PCLO: variants seen among roughly 807,000 people sequenced by gnomAD.
PCLO encodes protein piccolo.
In PCLO, 82 loss-of-function variants were observed where a neutral mutation model predicts 427.5. The observed-to-expected ratio is 0.19, with a 90% confidence interval of 0.16 to 0.23. The LOEUF (loss-of-function observed/expected upper bound fraction) is 0.23. PCLO is among the 10% of genes least tolerant of loss of function. PCLO has a pLI of 1.00. For synonymous variants in PCLO, 2,357 were observed against 2,155.4 expected (o/e 1.09, Z -2.59); for missense variants, 6,239 against 6,115.9 (o/e 1.02, Z -0.67).
At chr7:83,041,242 A>C (rs1788965726) in intron 3 of PCLO, among the ~76,000 whole-genome samples, 1 of 152,152 alleles carries the variant, frequency 6.6e-6, no homozygotes, top group African/African-American at 2.4e-5. Context: ...AAAAAGAAAT[A>C]AAGATTCAGT....
rs1317686992 is a variant in PCLO at position 82,994,231 on chromosome 7, A to G, written c.3301-27744T>C. Among the ~76,000 whole-genome samples the G allele has an allele frequency of 2.0e-5, 3 of 152,216 alleles. No homozygotes were observed. In the East Asian group the frequency reaches 5.8e-4, roughly 29 times the overall value. On this transcript the variant is annotated intron_variant, in intron 3 of 24. Coordinates refer to ENST00000333891, the MANE Select transcript of PCLO (RefSeq NM_033026.6). ...TATATTGATTAATGTGCTAGGCAAT[A>G]CAACAGTGAACAAACAGATACAATT...
In PCLO at chr7:82,954,172, G is replaced by C; in HGVS notation, c.6781C>G (p.His2261Asp). The C allele has an allele frequency of 1.2e-6, 2 of 1,613,734 alleles. No individual in the cohort carries two copies. The highest frequency in any genetic ancestry group is 1.7e-6 in the Non-Finnish European group (2 of 1,179,722). ...APPDGRASADHIVISLSDMAS... is the reference protein window; with the variant it reads ...APPDGRASADDIVISLSDMAS... ...ATATCAGATAAGGAAATAACAATAT[G>C]ATCAGCACTAGCTCTACCATCTGGT... Residue 2261 changes from histidine (H) to aspartate (D), a missense_variant, in exon 5 of 25, where the codon CAT becomes GAT. Around this residue, in one of 5 missense-constraint regions of PCLO, gnomAD observed 4,677 missense variants for 4,468.4 expected, o/e 1.05. Transcript: ENST00000333891.
chr7:82,950,636 A>G lies in PCLO; in HGVS notation c.9952T>C (p.Tyr3318His). Residue 3318 changes from tyrosine (Y) to histidine (H), a missense_variant, in exon 6 of 25, where the codon TAT becomes CAT. Physicochemically the swap from Tyr to His is moderately conservative, Grantham distance 83 (BLOSUM62 2). Transcript: ENST00000333891. ...EEQKIRQIYQ[Y>H]NYDPSGTASP... ...GCAGTTCCAGAAGGGTCATAGTTAT[A>G]CTGGTAGATCTGCCGAATCTTTTGC... 1.2e-6 allele frequency: 2 copies of G among 1,613,820 alleles called. No individual in the cohort carries two copies. The highest frequency in any genetic ancestry group is 1.7e-6 in the Non-Finnish European group (2 of 1,179,812).
chr7:82,810,757 T>C (rs776354688), intron 20 of PCLO, among the ~76,000 whole-genome samples: 1 of 151,704 alleles, frequency 6.6e-6, no homozygotes, highest in Non-Finnish European at 1.5e-5. Flanking sequence ...TGACTGCACA[T>C]CTGTCTTCAA....
At chr7:82,887,997 G>A (rs987311873) in intron 9 of PCLO, among the ~76,000 whole-genome samples, 2 of 152,102 alleles carry the variant, frequency 1.3e-5, no homozygotes, top group South Asian at 2.1e-4. Flanking sequence ...TTGAACCTGG[G>A]TGGCAGAGGT....
intron 3 of PCLO, among the ~76,000 whole-genome samples, chr7:83,011,113 CT>C (rs1788066692): frequency 6.6e-6 from 1 of 151,948 alleles, no homozygotes; most frequent in South Asian, 2.1e-4. Context: ...TAATGCTGCT[CT>C]TATTAAACTG....
At chr7:82,875,808 A>C (rs1793355423) in intron 10 of PCLO, among the ~76,000 whole-genome samples, 3 of 152,138 alleles carry the variant, frequency 2.0e-5, no homozygotes, top group Admixed American at 2.0e-4. Flanking sequence ...TTAAAAATCA[A>C]AATAAAACTA....
chr7:83,057,329 TATATATATATATATATATA>T (rs1268836209), intron 3 of PCLO, among the ~76,000 whole-genome samples: 1 of 16,146 alleles, frequency 6.2e-5, no homozygotes, highest in African/African-American at 2.6e-4. Context: ...TATATATATA[TATATATATATATATATATA>T]TTTTTTTTTT....
intron 3 of PCLO, among the ~76,000 whole-genome samples, chr7:83,002,325 C>T (rs1787843847): frequency 6.6e-6 from 1 of 151,794 alleles, no homozygotes; most frequent in Admixed American, 6.6e-5. Context: ...GTCTTTAACC[C>T]ATTAATGTTT....
At chr7:82,910,755 A>C (rs1352411425) in intron 7 of PCLO, among the ~76,000 whole-genome samples, 1 of 152,174 alleles carries the variant, frequency 6.6e-6, no homozygotes, top group Non-Finnish European at 1.5e-5. Context: ...CTGCTCAATA[A>C]TTATGGTTTT....
At chr7:82,808,983 C>G (rs10229467) in intron 20 of PCLO, among the ~76,000 whole-genome samples, 1,956 of 151,924 alleles carry the variant, frequency 0.013, 44 homozygotes, top group African/African-American at 0.045. Flanking sequence ...TAAGCTGGTT[C>G]TAAGAATCCG....
intron 9 of PCLO, among the ~76,000 whole-genome samples, chr7:82,883,848 G>A (rs1187734913): frequency 6.6e-6 from 1 of 152,272 alleles, no homozygotes; most frequent in East Asian, 1.9e-4. Context: ...TTGGCCCACT[G>A]CAACCTCCGC....
At chr7:82,866,204 T>C (rs1489231593) in intron 10 of PCLO, among the ~76,000 whole-genome samples, 2 of 152,140 alleles carry the variant, frequency 1.3e-5, no homozygotes, top group Admixed American at 1.3e-4. Flanking sequence ...TACTGAATTT[T>C]TGCCTACTTG....
chr7:82,968,673 C>T (rs1383922459), intron 3 of PCLO, among the ~76,000 whole-genome samples: 1 of 151,948 alleles, frequency 6.6e-6, no homozygotes, highest in African/African-American at 2.4e-5. Context: ...GTACACGCCA[C>T]CATACCCAGC....
chr7:82,917,428 T>C (rs1456085984), intron 6 of PCLO, among the ~76,000 whole-genome samples: 1 of 152,114 alleles, frequency 6.6e-6, no homozygotes, highest in Non-Finnish European at 1.5e-5. Context: ...TTCTTTTTAA[T>C]GCTCTAGTAA....
chr7:83,097,111 TATTATATAAATATATTATACATTATAC>T (rs1269781372), intron 3 of PCLO, among the ~76,000 whole-genome samples: 1,025 of 78,456 alleles, frequency 0.013, 201 homozygotes, highest in Middle Eastern at 0.038. Flanking sequence ...ATATATTATA[TATTATATAAATATATTATACATTATAC>T]ATTATATAAA....
At chr7:83,072,213 ATG>A (rs1292455815) in intron 3 of PCLO, among the ~76,000 whole-genome samples, 5 of 152,042 alleles carry the variant, frequency 3.3e-5, no homozygotes, top group Non-Finnish European at 5.9e-5. Flanking sequence ...GTATGAGAAA[ATG>A]TGTGAGATGT....
Position 82,845,591 on chromosome 7 carries a change from A to G in PCLO, c.13832-106T>C. On this transcript the variant is annotated intron_variant, in intron 12 of 24. Coordinates refer to ENST00000333891, the MANE Select transcript of PCLO (RefSeq NM_033026.6). ...ACAAAGGTAAAACATTACCTATAAA[A>G]TAAGCTAAACTTTAAAAATGAAATT... 6 of 717,148 alleles carry G rather than the reference A, an allele frequency of 8.4e-6. No individual in the cohort carries two copies. In the South Asian group the frequency reaches 1.1e-4, roughly 13 times the overall value. The allele number at this position is 717,148 out of a possible 1,614,324, so 44.4% of individuals were successfully genotyped here. A position where few individuals can be genotyped will look rare whatever the true frequency, so the allele number is the denominator to read the frequency against.
intron 10 of PCLO, among the ~76,000 whole-genome samples, chr7:82,862,047 G>A (rs1345357489): frequency 2.0e-5 from 3 of 151,802 alleles, no homozygotes; most frequent in Non-Finnish European, 4.4e-5. Context: ...GCATCTTAAA[G>A]AACTAGAAAA....
Sources: allele counts gnomAD v4.1 joint callset (sites outside exome capture counted in the v4.1 genomes callset), GRCh38; gene constraint gnomAD v4.1.1; regional missense constraint gnomAD v4.1.1; transcripts MANE v1.5; gene names NCBI Gene and HGNC (gene_info 2026-07-23, HGNC 2026-07-21).